Variants in BSCL2 observed in about 807,000 individuals in gnomAD.
BSCL2 encodes the protein BSCL2 lipid droplet biogenesis associated, seipin, also known as seipin.
Under a neutral mutation model 57.4 loss-of-function variants are expected in BSCL2, and 41 were observed. That is an observed-to-expected ratio of 0.71 (90% CI 0.56 to 0.93). The LOEUF (loss-of-function observed/expected upper bound fraction) is 0.93, where lower values mean the gene tolerates loss of function less well. BSCL2 is among the 40% of genes least tolerant of loss of function. The pLI is 0.00. For missense variants in BSCL2, 539 were observed against 586.7 expected, an observed-to-expected ratio of 0.92 and a Z score of 0.84; for synonymous variants, 237 against 227.3, an observed-to-expected ratio of 1.04 and a Z score of -0.38.
intron 6 of BSCL2, among the ~76,000 whole-genome samples, chr11:62,691,788 C>T (rs534657447): frequency 2.6e-5 from 4 of 152,264 alleles, no homozygotes; most frequent in South Asian, 2.1e-4. Flanking sequence ...CGGTGGCTCA[C>T]GCCTGTAATC....
At position 62,707,141 on chromosome 11, in the gene BSCL2, C is replaced by T. The variant is rs17848884; in HGVS notation, c.55G>A (p.Gly19Arg). The change falls in exon 1 of 11, where the codon GGA (glycine) becomes AGA (arginine). Residue 19 changes from glycine to arginine, a missense_variant. This residue lies in a region of BSCL2 where 218 missense variants were observed against 224.8 expected (regional missense o/e 0.97). Coordinates refer to ENST00000360796, the MANE Select transcript of BSCL2 (RefSeq NM_001122955.4). Reference sequence around the variant, plus strand: ...TTGTCCGGTCCTTTGATCTGGTCTCCGCACACCTCTTTTTCCCCAGCTTCC... The same window carrying T: ...TTGTCCGGTCCTTTGATCTGGTCTCTGCACACCTCTTTTTCCCCAGCTTCC... ...KEEAGEKEVC[G>R]DQIKGPDKEE... 448 of 1,554,652 alleles carry T rather than the reference C, an allele frequency of 2.9e-4. 4 individuals are homozygous for T. In the East Asian group the frequency reaches 0.011, roughly 37 times the overall value.
Position 62,690,349 on chromosome 11 carries a change from G to A in BSCL2, c.*18C>T. On this transcript the variant is annotated 3_prime_UTR_variant, in exon 11 of 11. Transcript: ENST00000360796. ...CAGGTGGGAAAGTGCTGGAATGTGAGGAGTCTGCCCCTTTTCTTCAGGAAC... is the reference window on the plus strand; with the variant it reads ...CAGGTGGGAAAGTGCTGGAATGTGAAGAGTCTGCCCCTTTTCTTCAGGAAC... 6.2e-7 allele frequency: 1 copy of A among 1,613,784 alleles called. No individual in the cohort carries two copies. Among genetic ancestry groups the A allele is most frequent in the African/African-American group, 1.3e-5 (1 of 75,030 alleles).
intron 1 of BSCL2, chr11:62,706,630 T>C: frequency 4.2e-6 from 2 of 472,600 alleles, no homozygotes; most frequent in South Asian, 3.1e-5. Context: ...ACAGGCCATT[T>C]CACCCGCGAA....
intron 6 of BSCL2, among the ~76,000 whole-genome samples, chr11:62,691,802 G>A (rs1227650116): frequency 6.6e-6 from 1 of 152,152 alleles, no homozygotes; most frequent in Non-Finnish European, 1.5e-5. Context: ...TGTAATCCTA[G>A]CACTTTGGGA....
chr11:62,704,748 A>G (rs1945765958), intron 2 of BSCL2, among the ~76,000 whole-genome samples: 1 of 152,196 alleles, frequency 6.6e-6, no homozygotes, highest in African/African-American at 2.4e-5. Flanking sequence ...TCCACCTCAA[A>G]AAAGAGAGAA....
chr11:62,705,009 C>T (rs924385727), intron 2 of BSCL2, among the ~76,000 whole-genome samples: 1 of 151,868 alleles, frequency 6.6e-6, no homozygotes, highest in African/African-American at 2.4e-5. Context: ...CTACATTGGC[C>T]CTGAGAGAGG....
At position 62,705,393 on chromosome 11, in the gene BSCL2, A is replaced by T; in HGVS notation, c.312T>A (p.Leu104=). Residue 104 remains leucine, a synonymous_variant, in exon 2 of 11, where the codon CTT becomes CTA. Transcript: ENST00000360796. ...AGAGGAAGACAGACACCCAGAGCAA[A>T]AGGAGGATGGTGCAGAAGAGCACCC... ...QFGVLFCTIL[L]LLWVSVFLYG... is the part of the protein sequence containing the mutation. 6.2e-7 allele frequency: 1 copy of T among 1,614,162 alleles called. No homozygotes were observed. Among genetic ancestry groups the T allele is most frequent in the Non-Finnish European group, 8.5e-7 (1 of 1,180,006 alleles).
intron 1 of BSCL2, chr11:62,706,259 C>G: frequency 5.5e-6 from 6 of 1,098,190 alleles, no homozygotes; most frequent in Non-Finnish European, 6.7e-6. Context: ...GCCGACTCAC[C>G]AGCCTCGCGC....
chr11:62,702,638 C>T, intron 2 of BSCL2, 89 bp from the exon 3 acceptor site: 2 of 1,061,868 alleles, frequency 1.9e-6, no homozygotes, highest in South Asian at 1.3e-5. Context: ...TCCCTCCTGC[C>T]CTCCTCCCTT....
At chr11:62,692,242 T>G in intron 6 of BSCL2, 134 bp downstream of exon 6, 1 of 882,402 alleles carries the variant, frequency 1.1e-6, no homozygotes, top group African/African-American at 1.7e-5. Context: ...TGTGGCAGCT[T>G]TGAGACCCTC....
At chr11:62,706,035 G>A (rs182784001) in intron 1 of BSCL2, 6 of 241,418 alleles carry the variant, frequency 2.5e-5, no homozygotes, top group Admixed American at 2.1e-4. Context: ...GAAACCAGTA[G>A]CCTTAGAGTA....
At position 62,707,407 on chromosome 11, in the gene BSCL2, G is replaced by A; in HGVS notation, c.-212C>T. On this transcript the variant is annotated 5_prime_UTR_variant, in exon 1 of 11. Coordinates refer to ENST00000360796, the MANE Select transcript of BSCL2 (RefSeq NM_001122955.4). ...GGAGGAGGGGGGCGACTGCCCAGCT[G>A]ATGTCAGATTTTCAAATGAGCAGGG... 1 of 702,254 alleles carries A rather than the reference G, an allele frequency of 1.4e-6. No individual in the cohort carries two copies. The highest frequency in any genetic ancestry group is 2.6e-6 in the Non-Finnish European group (1 of 386,308). The allele number at this position is 702,254 out of a possible 1,614,324, so 43.5% of individuals were successfully genotyped here.
At chr11:62,696,048 C>A (rs1193858082) in intron 3 of BSCL2, among the ~76,000 whole-genome samples, 1 of 152,096 alleles carries the variant, frequency 6.6e-6, no homozygotes, top group African/African-American at 2.4e-5. Context: ...TAGCAGGCAC[C>A]TGTAATCCCA....
At chr11:62,705,864 G>A (rs2083521815) in intron 1 of BSCL2, 1 of 521,284 alleles carries the variant, frequency 1.9e-6, no homozygotes, top group Admixed American at 3.4e-5. Context: ...ATTTGATGCT[G>A]GGACAAACCA....
At chr11:62,695,014 G>A (rs1452693947) in intron 3 of BSCL2, among the ~76,000 whole-genome samples, 7 of 152,180 alleles carry the variant, frequency 4.6e-5, no homozygotes, top group Non-Finnish European at 1.0e-4. Context: ...TTGCCAACTG[G>A]GCCATCTGTG....
At chr11:62,690,998 G>C in intron 8 of BSCL2, 77 bp downstream of exon 8, 1 of 1,580,222 alleles carries the variant, frequency 6.3e-7, no homozygotes, top group South Asian at 1.1e-5. Context: ...CCTCATACTG[G>C]ATGAAGCAGG....
chr11:62,691,553 C>CA, intron 6 of BSCL2, 132 bp from the exon 7 acceptor site: 1 of 1,091,070 alleles, frequency 9.2e-7, no homozygotes, highest in Non-Finnish European at 1.4e-6. Context: ...CCCTGCCTCC[C>CA]ACCCACACAG....
intron 2 of BSCL2, among the ~76,000 whole-genome samples, chr11:62,702,889 G>A (rs1303355998): frequency 1.3e-5 from 2 of 151,988 alleles, no homozygotes; most frequent in Admixed American, 6.6e-5. Context: ...AGCGGCTCAC[G>A]CCTGTAATCC....
rs780533531 is a variant in BSCL2 at position 62,692,453 on chromosome 11, C to T, written c.786G>A (p.Ala262=). The change falls in exon 6 of 11, where the codon GCG becomes GCA. Residue 262 remains alanine (A), a synonymous_variant. Coordinates refer to ENST00000360796, the MANE Select transcript of BSCL2 (RefSeq NM_001122955.4). ...RENSYVPTTG[A]IIEIHSKRIQ... Reference sequence around the variant, plus strand: ...TGCGCTTGCTGTGGATCTCAATGATCGCTCCAGTGGTCGGCACGTACTGTG... The same window carrying T: ...TGCGCTTGCTGTGGATCTCAATGATTGCTCCAGTGGTCGGCACGTACTGTG... 21 of 1,613,890 alleles carry T rather than the reference C, an allele frequency of 1.3e-5. No homozygotes were observed. Among genetic ancestry groups the T allele is most frequent in the Admixed American group, 1.2e-4 (7 of 59,996 alleles).
Sources: gnomAD v4.1 joint callset for allele counts (sites outside exome capture counted in the v4.1 genomes callset) on GRCh38, gnomAD v4.1.1 for gene constraint, gnomAD v4.1.1 regional missense constraint, MANE v1.5 for transcripts, NCBI Gene and HGNC (gene_info 2026-07-23, HGNC 2026-07-21) for gene names.